TDRD5: variants seen among roughly 807,000 people sequenced by gnomAD.
The protein encoded by TDRD5 is tudor domain containing 5.
TDRD5 carries 41 observed loss-of-function variants against 120.6 expected under a neutral mutation model. The observed-to-expected ratio is 0.34, with a 90% CI of 0.26 to 0.44. The LOEUF is 0.44. TDRD5 is among the 20% of genes least tolerant of loss of function. TDRD5 has a pLI of 1.00. For missense variants in TDRD5, 1,006 were observed against 1,221.2 expected, an observed-to-expected ratio of 0.82 and a Z score of 2.63; for synonymous variants, 430 against 433.7, an observed-to-expected ratio of 0.99 and a Z score of 0.11.
chr1:179,628,324 C>CTTTTTTTTTTTTT (rs71569258), intron 6 of TDRD5, among the ~76,000 whole-genome samples: 3 of 54,632 alleles, frequency 5.5e-5, no homozygotes, highest in Admixed American at 2.5e-4. Flanking sequence ...CTTTTCTTTT[C>CTTTTTTTTTTTTT]TTTTTTTTTT....
chr1:179,677,033 T>G (rs1680176912), intron 17 of TDRD5, among the ~76,000 whole-genome samples: 1 of 151,938 alleles, frequency 6.6e-6, no homozygotes, highest in Admixed American at 6.6e-5. Context: ...CTTGGAGGCG[T>G]TGTTCATTTT....
At position 179,662,092 on chromosome 1, in the gene TDRD5, G is replaced by A; in HGVS notation, c.2323-12G>A. ...AAATGATAGTTTTTCTTTGTCTTCT[G>A]TTACATTTTAGGATGAGATCCCCAC... On this transcript the variant is annotated splice_polypyrimidine_tract_variant and intron_variant, in intron 14 of 17. Transcript: ENST00000444136. The A allele has an allele frequency of 5.2e-6, 8 of 1,525,900 alleles. No homozygotes were observed. Among genetic ancestry groups the A allele is most frequent in the Non-Finnish European group, 7.0e-6 (8 of 1,141,676 alleles). 94.5% of individuals were successfully genotyped at this position (1,525,900 alleles called of 1,614,324 possible).
At chr1:179,681,045 G>A (rs1007370861) in intron 17 of TDRD5, among the ~76,000 whole-genome samples, 3 of 150,966 alleles carry the variant, frequency 2.0e-5, no homozygotes, top group Admixed American at 6.7e-5. Context: ...ATGCAAAACC[G>A]CACCACGTGT....
chr1:179,629,568 T>G (rs1187871194), intron 6 of TDRD5, among the ~76,000 whole-genome samples: 2 of 152,202 alleles, frequency 1.3e-5, no homozygotes, highest in African/African-American at 4.8e-5. Context: ...TTTATCATCT[T>G]AGGATAATAC....
intron 4 of TDRD5, among the ~76,000 whole-genome samples, chr1:179,597,569 A>C (rs949318510): frequency 5.3e-5 from 8 of 152,010 alleles, no homozygotes; most frequent in African/African-American, 1.9e-4. Context: ...TGACCTCAGG[A>C]TCTGCCTGCC....
chr1:179,622,935 T>C (rs1389168986), intron 6 of TDRD5, among the ~76,000 whole-genome samples: 1 of 152,114 alleles, frequency 6.6e-6, no homozygotes, highest in African/African-American at 2.4e-5. Flanking sequence ...AAACCTCACA[T>C]AGGCACATCA....
At chr1:179,615,459 T>G (rs1676517670) in intron 4 of TDRD5, among the ~76,000 whole-genome samples, 1 of 152,212 alleles carries the variant, frequency 6.6e-6, no homozygotes. Flanking sequence ...TATATCTTTT[T>G]GATTGAAAGC....
At chr1:179,661,495 A>G (rs1372121410) in intron 14 of TDRD5, among the ~76,000 whole-genome samples, 1 of 152,042 alleles carries the variant, frequency 6.6e-6, no homozygotes, top group Non-Finnish European at 1.5e-5. Context: ...TATTGAAAAG[A>G]CAGCCAGGGA....
At chr1:179,690,648 A>G in intron 17 of TDRD5, 48 bp from the exon 18 acceptor site, 2 of 1,580,360 alleles carry the variant, frequency 1.3e-6, no homozygotes, top group African/African-American at 2.7e-5. Context: ...GGAGGCAGTG[A>G]GTATGAGTAC....
chr1:179,640,996 A>G (rs1036614784), intron 11 of TDRD5, among the ~76,000 whole-genome samples: 27 of 152,180 alleles, frequency 1.8e-4, no homozygotes, highest in Non-Finnish European at 1.0e-4. Context: ...TGTTTTCAAG[A>G]TAATTCTCTA....
intron 11 of TDRD5, among the ~76,000 whole-genome samples, chr1:179,647,299 T>A (rs925925893): frequency 2.8e-5 from 4 of 140,540 alleles, no homozygotes; most frequent in African/African-American, 1.0e-4. Flanking sequence ...TAATGCCGCA[T>A]ATCTACAACT....
At chr1:179,657,506 A>G (rs1679064649) in intron 14 of TDRD5, among the ~76,000 whole-genome samples, 2 of 152,218 alleles carry the variant, frequency 1.3e-5, no homozygotes, top group South Asian at 4.1e-4. Flanking sequence ...TTTCTGTATC[A>G]GTAATGTTGT....
chr1:179,673,906 C>T (rs1679981964), intron 17 of TDRD5, among the ~76,000 whole-genome samples: 2 of 152,172 alleles, frequency 1.3e-5, no homozygotes. Flanking sequence ...ATTTTGTATC[C>T]TGAAACTTTG....
rs373227452 is a variant in TDRD5 at position 179,654,774 on chromosome 1, ATAAAG to A, written c.2322+417_2322+421del. Among the ~76,000 whole-genome samples the A allele has an allele frequency of 6.3e-4, 96 of 152,310 alleles. No homozygotes were observed. The East Asian group carries it at 0.016, about 26-fold the overall frequency. On this transcript the variant is annotated intron_variant, in intron 14 of 17. Coordinates refer to ENST00000444136, the MANE Select transcript of TDRD5 (RefSeq NM_001199085.3). Reference sequence around the variant, plus strand: ...TAGAGTGAGACTCTGTCTCAAAAAAATAAAGTAAAATAAGTAAAAAAATGTGTTCA... The same window carrying A: ...TAGAGTGAGACTCTGTCTCAAAAAAATAAAATAAGTAAAAAAATGTGTTCA...
chr1:179,670,931 A>T (rs1679824030), intron 17 of TDRD5, among the ~76,000 whole-genome samples: 1 of 152,162 alleles, frequency 6.6e-6, no homozygotes, highest in Admixed American at 6.5e-5. Context: ...TCTTGTTTAG[A>T]AATCTTTAAC....
chr1:179,631,066 A>G (rs1205638975), intron 7 of TDRD5, 146 bp downstream of exon 7: 24 of 895,556 alleles, frequency 2.7e-5, no homozygotes, highest in Non-Finnish European at 3.8e-5. Flanking sequence ...GTTAATCTGT[A>G]TTGTTAATAA....
chr1:179,690,051 C>T (rs1681046538), intron 17 of TDRD5, among the ~76,000 whole-genome samples: 1 of 152,076 alleles, frequency 6.6e-6, no homozygotes, highest in Non-Finnish European at 1.5e-5. Context: ...TGTGGGCTGC[C>T]CCCACTGTCC....
At position 179,597,476 on chromosome 1, in the gene TDRD5, C is replaced by A. The variant is rs1029151210; in HGVS notation, c.831+1658C>A. On this transcript the variant is annotated intron_variant, in intron 4 of 17. Transcript: ENST00000444136. ...CCTCCTGAGTAGCTGGGATTACAGG[C>A]GTCAGCCACCACACCTGGCTAATTT... Among the ~76,000 whole-genome samples the A allele has an allele frequency of 4.0e-5, 6 of 151,646 alleles. No homozygotes were observed. In the East Asian group the frequency reaches 1.2e-3, roughly 29 times the overall value.
chr1:179,631,298 A>T (rs1051619848), intron 7 of TDRD5, among the ~76,000 whole-genome samples: 3 of 152,198 alleles, frequency 2.0e-5, no homozygotes, highest in East Asian at 1.9e-4. Context: ...AGGCTGAGGC[A>T]GGAGAATGGC....
Sources: allele counts gnomAD v4.1 joint callset (sites outside exome capture counted in the v4.1 genomes callset), GRCh38; gene constraint gnomAD v4.1.1; transcripts MANE v1.5; gene names NCBI Gene and HGNC (gene_info 2026-07-23, HGNC 2026-07-21).